The following HFM1 variants were observed in gnomAD, a reference collection of about 807,000 sequenced individuals.
HFM1 encodes the protein probable ATP-dependent DNA helicase HFM1.
In HFM1, 169 loss-of-function variants were observed where a neutral mutation model predicts 192.1. The observed-to-expected ratio is 0.88, with a 90% confidence interval of 0.78 to 1.00. The LOEUF is 1.00. Among genes scored for constraint, HFM1 ranks in the 50% least tolerant of loss-of-function variants. The pLI, the probability that HFM1 is intolerant of heterozygous loss-of-function variation, is 0.00. For synonymous variants in HFM1, 525 were observed against 537.8 expected (o/e 0.98, Z 0.33); for missense variants, 1,661 against 1,668.0 (o/e 1.00, Z 0.07).
In HFM1 at chr1:91,277,030, C is replaced by G; in HGVS notation, c.3424G>C (p.Glu1142Gln). Residue 1142 changes from glutamate to glutamine, a missense_variant, in exon 31 of 39, where the codon GAA (glutamate) becomes CAA (glutamine). By Grantham distance (29) the Glu-to-Gln change is conservative. Coordinates refer to ENST00000370425, the MANE Select transcript of HFM1 (RefSeq NM_001017975.6). ...TTASKKPGNR[E>Q]CNHLCKSKHT... ...TTACTTTTACAAAGATGATTGCATT[C>G]TCGGTTCCCAGGTTTTTTGCTGGCA... 1 of 1,598,304 alleles carries G rather than the reference C, an allele frequency of 6.3e-7. No homozygotes were observed. The highest frequency in any genetic ancestry group is 8.5e-7 in the Non-Finnish European group (1 of 1,172,402).
chr1:91,364,056 GAAT>G (rs1178502876), intron 13 of HFM1, among the ~76,000 whole-genome samples: 1 of 152,090 alleles, frequency 6.6e-6, no homozygotes, highest in Non-Finnish European at 1.5e-5. Context: ...AGAGCATTAA[GAAT>G]AATAGCTAAT....
At chr1:91,287,527 G>T (rs405108) in intron 30 of HFM1, among the ~76,000 whole-genome samples, 53,577 of 151,682 alleles carry the variant, frequency 0.35, 10,180 homozygotes, top group East Asian at 0.53. Flanking sequence ...ATCACCATCA[G>T]CAAAGACCAA....
intron 30 of HFM1, among the ~76,000 whole-genome samples, chr1:91,282,789 G>T (rs907755437): frequency 6.6e-6 from 1 of 152,258 alleles, no homozygotes; most frequent in Middle Eastern, 3.4e-3. Flanking sequence ...GAAAAGCTTT[G>T]CAAGTTGCTG....
chr1:91,343,583 T>A, intron 19 of HFM1, 73 bp from the exon 20 acceptor site: 2 of 609,126 alleles, frequency 3.3e-6, no homozygotes, highest in East Asian at 6.3e-5. Flanking sequence ...TATTATTAAA[T>A]ATGCTAAAGT....
chr1:91,329,906 T>G (rs1332745644), intron 20 of HFM1, among the ~76,000 whole-genome samples: 2 of 152,166 alleles, frequency 1.3e-5, no homozygotes, highest in Admixed American at 1.3e-4. Context: ...TGGGAGGTGA[T>G]GGTGGACCTA....
chr1:91,378,750 T>G (rs1048991129), intron 9 of HFM1, among the ~76,000 whole-genome samples: 1 of 152,038 alleles, frequency 6.6e-6, no homozygotes, highest in African/African-American at 2.4e-5. Context: ...TATTTTTAAA[T>G]TCTACCAAGG....
At chr1:91,319,262 A>T in intron 24 of HFM1, 31 bp downstream of exon 24, 1 of 1,604,444 alleles carries the variant, frequency 6.2e-7, no homozygotes, top group Non-Finnish European at 8.5e-7. Context: ...ATTGGAAAAA[A>T]TATTTAAAAT....
chr1:91,276,760 CA>C lies in HFM1; in HGVS notation c.3473-18del, dbSNP rs1292407039. ...CAATTTTACCTATGAAAAGAAACTT[CA>C]GATTCTTTAGGTTAAACTTCAGATC... is the stretch of plus-strand genomic sequence containing the variant. On this transcript the variant is annotated intron_variant, in intron 31 of 38. Transcript: ENST00000370425. 1 of 1,194,230 alleles carries C rather than the reference CA, an allele frequency of 8.4e-7. No individual in the cohort carries two copies. The highest frequency in any genetic ancestry group is 2.5e-5 in the East Asian group (1 of 39,784). The allele number at this position is 1,194,230 out of a possible 1,614,324, so 74.0% of individuals were successfully genotyped here.
At chr1:91,322,714 A>C (rs1204616210) in intron 23 of HFM1, among the ~76,000 whole-genome samples, 1 of 152,192 alleles carries the variant, frequency 6.6e-6, no homozygotes, top group Non-Finnish European at 1.5e-5. Context: ...GAAGCATAAG[A>C]AGCATGTCTT....
chr1:91,270,521 A>G (rs891030402), intron 34 of HFM1, among the ~76,000 whole-genome samples: 1 of 152,012 alleles, frequency 6.6e-6, no homozygotes, highest in African/African-American at 2.4e-5. Flanking sequence ...TCAGTGATTA[A>G]AGACACGGGC....
chr1:91,329,783 T>C (rs1279258478), intron 20 of HFM1, among the ~76,000 whole-genome samples: 2 of 152,226 alleles, frequency 1.3e-5, no homozygotes, highest in African/African-American at 2.4e-5. Context: ...AATAAGTCCA[T>C]TGTTACATGA....
chr1:91,347,586 A>G (rs1481830077), intron 18 of HFM1, 110 bp from the exon 19 acceptor site: 3 of 535,308 alleles, frequency 5.6e-6, no homozygotes, highest in Non-Finnish European at 9.8e-6. Flanking sequence ...TAAGAAAAAA[A>G]AATCTCAGCT....
upstream of HFM1, among the ~76,000 whole-genome samples, chr1:91,407,840 T>C (rs542075178): frequency 1.5e-4 from 23 of 152,368 alleles, no homozygotes; most frequent in Admixed American, 2.6e-4. Context: ...TTCTAGCTGA[T>C]GTATCCAACA....
At chr1:91,340,695 T>C (rs1384991412) in intron 20 of HFM1, among the ~76,000 whole-genome samples, 1 of 152,132 alleles carries the variant, frequency 6.6e-6, no homozygotes, top group East Asian at 1.9e-4. Flanking sequence ...GTATGTTGTC[T>C]TCAAGAGACC....
intron 4 of HFM1, among the ~76,000 whole-genome samples, chr1:91,393,343 T>C (rs1042028535): frequency 6.6e-6 from 1 of 152,158 alleles, no homozygotes; most frequent in African/African-American, 2.4e-5. Context: ...CAACTAAACT[T>C]CTTCTGAATC....
At chr1:91,369,674 A>G (rs977299631) in intron 13 of HFM1, among the ~76,000 whole-genome samples, 7 of 152,214 alleles carry the variant, frequency 4.6e-5, no homozygotes, top group African/African-American at 9.6e-5. Context: ...CATCACAATT[A>G]AAAGAACTAG....
chr1:91,360,932 C>T (rs1329893687), intron 13 of HFM1, among the ~76,000 whole-genome samples: 2 of 152,120 alleles, frequency 1.3e-5, no homozygotes, highest in East Asian at 1.9e-4. Context: ...GAACAACCTG[C>T]TCCTGAATGA....
rs567781853 is a variant in HFM1, at chr1:91,288,964, G to A, written c.3392-11902C>T. ...CCAGACGGGCCGGCCGGGCAGAGGC[G>A]CCCCCCACCTCCCGGACGGGGCGGC... On this transcript the variant is annotated intron_variant, in intron 30 of 38. Transcript: ENST00000370425. 3.0e-4 allele frequency among the ~76,000 whole-genome samples: 46 copies of A among 151,326 alleles called. 1 individual carries two copies. In the South Asian group the frequency reaches 5.7e-3, roughly 19 times the overall value.
chr1:91,358,024 G>A (rs909034796), intron 13 of HFM1, among the ~76,000 whole-genome samples: 1 of 152,118 alleles, frequency 6.6e-6, no homozygotes, highest in Non-Finnish European at 1.5e-5. Flanking sequence ...ACTACCCAAA[G>A]AAGTACAGAT....
Sources: gnomAD v4.1 joint callset for allele counts (sites outside exome capture counted in the v4.1 genomes callset) on GRCh38, gnomAD v4.1.1 for gene constraint, MANE v1.5 for transcripts, NCBI Gene and HGNC (gene_info 2026-07-23, HGNC 2026-07-21) for gene names.